The following PMEPA1 variants were observed in gnomAD, a reference collection of about 807,000 sequenced individuals.
PMEPA1 encodes the protein prostate transmembrane protein, androgen induced 1.
A neutral mutation model predicts 23.0 loss-of-function variants in PMEPA1; 11 were observed. That is an observed-to-expected ratio of 0.48 (90% CI 0.30 to 0.79). The LOEUF (loss-of-function observed/expected upper bound fraction) is 0.79, where lower values mean the gene tolerates loss of function less well. PMEPA1 is among the 30% of genes least tolerant of loss of function. The pLI, the probability that PMEPA1 is intolerant of heterozygous loss-of-function variation, is 0.06. For synonymous variants in PMEPA1, 204 were observed against 166.4 expected (o/e 1.23, Z -1.74); for missense variants, 377 against 390.9 (o/e 0.96, Z 0.30).
Position 57,690,575 on chromosome 20 carries a change from A to G in PMEPA1, c.109+18899T>C, listed in dbSNP as rs2071867524. 1.7e-5 allele frequency: 22 copies of G among 1,261,246 alleles called. 1 individual carries two copies. In the South Asian group the frequency reaches 2.7e-4, roughly 15 times the overall value. The allele number at this position is 1,261,246 out of a possible 1,614,324, so 78.1% of individuals were successfully genotyped here. ...AGCAGGAGGCGGGGTCTCCATTGCT[A>G]TGGCGGGTGTAGAGGGTCATGTGCA... On this transcript the variant is annotated intron_variant, in intron 1 of 3. Coordinates refer to ENST00000341744, the MANE Select transcript of PMEPA1 (RefSeq NM_020182.5).
chr20:57,674,058 CTGTT>C (rs145485064), intron 1 of PMEPA1, among the ~76,000 whole-genome samples: 308 of 152,334 alleles, frequency 2.0e-3, no homozygotes, highest in African/African-American at 6.9e-3. Flanking sequence ...CCCAAACCCT[CTGTT>C]TGGAGCAGAA....
intron 1 of PMEPA1, chr20:57,700,262 G>A (rs913746716): frequency 2.2e-5 from 9 of 409,340 alleles, no homozygotes; most frequent in Admixed American, 1.4e-4. Context: ...GAACATGTTC[G>A]GGGGAACAGG....
rs142098974 is a variant in PMEPA1, at chr20:57,653,071, G to A, written c.280C>T (p.Pro94Ser). The A allele has an allele frequency of 2.3e-5, 37 of 1,589,904 alleles. No homozygotes were observed. Among genetic ancestry groups the A allele is most frequent in the Admixed American group, 2.3e-4 (13 of 56,408 alleles). The part of the protein sequence containing the change: ...DALSSEGCLW[P>S]SESTVSGNGI... Reference sequence around the variant, plus strand: ...TTGCCTGACACTGTGCTCTCCGAGGGCCACAGGCATCCTTCCTGCACAGGA... The same window carrying A: ...TTGCCTGACACTGTGCTCTCCGAGGACCACAGGCATCCTTCCTGCACAGGA... The change falls in exon 3 of 4, where the codon CCC becomes TCC. Residue 94 changes from proline to serine, a missense_variant. Physicochemically the swap from Pro to Ser is moderately conservative, Grantham distance 74. This residue lies in a region of PMEPA1 where 198 missense variants were observed against 196.3 expected (regional missense o/e 1.01). Coordinates refer to ENST00000341744, the MANE Select transcript of PMEPA1 (RefSeq NM_020182.5).
chr20:57,659,985 T>A (rs1011016221), intron 1 of PMEPA1, among the ~76,000 whole-genome samples: 19 of 151,940 alleles, frequency 1.3e-4, no homozygotes, highest in Non-Finnish European at 2.6e-4. Flanking sequence ...CGGAAGGAGG[T>A]AACGGGACAG....
At chr20:57,673,171 G>T (rs2071592541) in intron 1 of PMEPA1, among the ~76,000 whole-genome samples, 1 of 151,984 alleles carries the variant, frequency 6.6e-6, no homozygotes, top group African/African-American at 2.4e-5. Flanking sequence ...GGAGCAGAAG[G>T]CCTGCCTTCT....
chr20:57,680,141 C>T (rs1014318649), intron 1 of PMEPA1, among the ~76,000 whole-genome samples: 11 of 152,176 alleles, frequency 7.2e-5, no homozygotes, highest in Non-Finnish European at 1.2e-4. Flanking sequence ...GACTTCTGCC[C>T]GTCAGACACT....
chr20:57,684,647 C>T (rs2071776245), intron 1 of PMEPA1, among the ~76,000 whole-genome samples: 1 of 152,198 alleles, frequency 6.6e-6, no homozygotes, highest in South Asian at 2.1e-4. Context: ...GTAACAATGA[C>T]CTAGTCGCTA....
At chr20:57,669,318 G>A (rs1042749538) in intron 1 of PMEPA1, among the ~76,000 whole-genome samples, 4 of 152,138 alleles carry the variant, frequency 2.6e-5, no homozygotes, top group South Asian at 2.1e-4. Flanking sequence ...CCGCCAGCAC[G>A]CCCAGCTAAT....
intron 1 of PMEPA1, among the ~76,000 whole-genome samples, chr20:57,678,178 GA>G (rs2146677269): frequency 1.3e-5 from 2 of 152,236 alleles, no homozygotes; most frequent in South Asian, 2.1e-4. Flanking sequence ...ACACACACTC[GA>G]ATGAGTGTGT....
intron 1 of PMEPA1, among the ~76,000 whole-genome samples, chr20:57,668,978 C>G (rs985729256): frequency 3.3e-5 from 5 of 152,068 alleles, no homozygotes; most frequent in African/African-American, 9.7e-5. Flanking sequence ...CTCTGCAGCC[C>G]TGATCTGGAA....
chr20:57,685,733 A>G (rs2146689090), intron 1 of PMEPA1, among the ~76,000 whole-genome samples: 1 of 152,256 alleles, frequency 6.6e-6, no homozygotes, highest in East Asian at 1.9e-4. Context: ...TGTTCTGGGA[A>G]GGCGCCTGCT....
At chr20:57,708,694 C>T (rs1269635252) in intron 1 of PMEPA1, among the ~76,000 whole-genome samples, 2 of 152,088 alleles carry the variant, frequency 1.3e-5, no homozygotes, top group African/African-American at 2.4e-5. Flanking sequence ...GGCACAATGA[C>T]ACACACACAT....
At chr20:57,661,011 A>C (rs1051059933) in intron 1 of PMEPA1, among the ~76,000 whole-genome samples, 1 of 152,112 alleles carries the variant, frequency 6.6e-6, no homozygotes, top group Non-Finnish European at 1.5e-5. Flanking sequence ...AGGACTCACA[A>C]ACACACGCCA....
intron 1 of PMEPA1, among the ~76,000 whole-genome samples, chr20:57,696,627 A>G (rs2071946234): frequency 6.6e-6 from 1 of 152,214 alleles, no homozygotes; most frequent in South Asian, 2.1e-4. Context: ...GAACCCAGAA[A>G]AACAAGGAGA....
rs1030113171 is a variant in PMEPA1 at position 57,648,788 on chromosome 20, C to T, written c.*3265G>A. The T allele has an allele frequency of 3.9e-5, 6 of 152,114 alleles. No individual in the cohort carries two copies. In the East Asian group the frequency reaches 5.8e-4, roughly 15 times the overall value. 9.4% of individuals were successfully genotyped at this position (152,114 alleles called of 1,614,324 possible). On this transcript the variant is annotated 3_prime_UTR_variant, in exon 4 of 4. Coordinates refer to ENST00000341744, the MANE Select transcript of PMEPA1 (RefSeq NM_020182.5). ...CAACAACGACATTTTCTTTCCTTAT[C>T]GACGGGATATTTTATGGTTCTGGAA...
chr20:57,685,407 G>T (rs951588471), intron 1 of PMEPA1, among the ~76,000 whole-genome samples: 1 of 152,152 alleles, frequency 6.6e-6, no homozygotes, highest in African/African-American at 2.4e-5. Context: ...CTCCCCTCAC[G>T]CAGACCAAAT....
In PMEPA1 at chr20:57,652,089, G is replaced by T; in HGVS notation, c.828C>A (p.Ser276Arg). The T allele has an allele frequency of 6.5e-7, 1 of 1,543,266 alleles. No individual in the cohort carries two copies. The highest frequency in any genetic ancestry group is 2.3e-5 in the East Asian group (1 of 42,718). Residue 276 changes from serine to arginine, a missense_variant, in exon 4 of 4, where the codon AGC (serine) becomes AGA (arginine). By Grantham distance (110) the Ser-to-Arg change is moderately radical (BLOSUM62 -1). Around this residue, in one of 3 missense-constraint regions of PMEPA1, gnomAD observed 176 missense variants for 173.0 expected, o/e 1.02. Coordinates refer to ENST00000341744, the MANE Select transcript of PMEPA1 (RefSeq NM_020182.5). This position sits in a 1 kb window ranked among gnomAD's most constrained non-coding sequence, Gnocchi z 6.1. ...IAPLESAAIW[S>R]KEKDKQKGHP... ...GTCCTTTCTGTTTATCCTTCTCTTT[G>T]CTCCAGATGGCTGCGCTCTCTAGGG... is the stretch of plus-strand genomic sequence containing the variant.
intron 1 of PMEPA1, among the ~76,000 whole-genome samples, chr20:57,691,985 C>T (rs866108161): frequency 6.6e-6 from 1 of 152,280 alleles, no homozygotes; most frequent in African/African-American, 2.4e-5. Context: ...TCTCCTTCCC[C>T]GACGAGCCTC....
intron 1 of PMEPA1, among the ~76,000 whole-genome samples, chr20:57,669,142 CATTT>C (rs10523107): frequency 0.018 from 2,628 of 145,602 alleles, 22 homozygotes; most frequent in Non-Finnish European, 0.021. Flanking sequence ...TAAAAAAGCA[CATTT>C]ATTTATTTAT....
Sources: allele counts gnomAD v4.1 joint callset (sites outside exome capture counted in the v4.1 genomes callset), GRCh38; gene constraint gnomAD v4.1.1; regional missense constraint gnomAD v4.1.1; non-coding constraint Gnocchi (gnomAD v3.1); transcripts MANE v1.5; gene names NCBI Gene and HGNC (gene_info 2026-07-23, HGNC 2026-07-21).